GPRIN3: variants seen among roughly 807,000 people sequenced by gnomAD.
GPRIN3 encodes the protein GPRIN family member 3, also known as G protein-regulated inducer of neurite outgrowth 3.
GPRIN3 carries 12 observed loss-of-function variants against 13.7 expected under a neutral mutation model. The observed-to-expected ratio is 0.87, with a 90% CI of 0.56 to 1.42. The LOEUF is 1.42. Among genes scored for constraint, GPRIN3 ranks in the 40% most tolerant of loss-of-function variants. The pLI, the probability that GPRIN3 is intolerant of heterozygous loss-of-function variation, is 0.00. For missense variants in GPRIN3, 1,009 were observed against 958.7 expected (o/e 1.05, Z -0.69); for synonymous variants, 377 against 372.7 (o/e 1.01, Z -0.13).
intron 1 of GPRIN3, among the ~76,000 whole-genome samples, chr4:89,261,690 C>G (rs1375385843): frequency 1.3e-5 from 2 of 152,102 alleles, no homozygotes; most frequent in African/African-American, 4.8e-5. Flanking sequence ...AGGTTTTTCA[C>G]TACATGAAAT....
chr4:89,282,044 T>C (rs538654329), intron 1 of GPRIN3, among the ~76,000 whole-genome samples: 1 of 151,528 alleles, frequency 6.6e-6, no homozygotes, highest in African/African-American at 2.4e-5. Context: ...TCCTGCATGG[T>C]GCTGGCAAGA....
At position 89,248,163 on chromosome 4, in the gene GPRIN3, T is replaced by A; in HGVS notation, c.1948A>T (p.Thr650Ser). The change falls in exon 2 of 2, where the codon ACA becomes TCA. Residue 650 changes from threonine to serine, a missense_variant. Thr to Ser is a moderately conservative substitution (Grantham distance 58). Transcript: ENST00000609438. ...EFLKEQKLNV[T>S]AAAAQVGLTP... ...AGTCCTACCTGAGCAGCAGCTGCTG[T>A]CACATTTAACTTTTGCTCCTTGAGG... 3 of 1,614,126 alleles carry A rather than the reference T, an allele frequency of 1.9e-6. No individual in the cohort carries two copies. The highest frequency in any genetic ancestry group is 2.5e-6 in the Non-Finnish European group (3 of 1,180,000).
chr4:89,270,592 T>A (rs867705254), intron 1 of GPRIN3, among the ~76,000 whole-genome samples: 5 of 130,690 alleles, frequency 3.8e-5, no homozygotes, highest in East Asian at 4.4e-4. Flanking sequence ...TATATATATA[T>A]ATATATATAA....
At chr4:89,256,179 A>G (rs1386581257) in intron 1 of GPRIN3, among the ~76,000 whole-genome samples, 1 of 152,166 alleles carries the variant, frequency 6.6e-6, no homozygotes, top group Non-Finnish European at 1.5e-5. Context: ...TAACCATGAG[A>G]AGAAAATGGA....
rs998009978 is a variant in GPRIN3, at chr4:89,239,254, C to G, written c.*8526G>C. The G allele has an allele frequency of 2.6e-5, 4 of 151,832 alleles. No individual in the cohort carries two copies. The highest frequency in any genetic ancestry group is 7.3e-5 in the African/African-American group (3 of 41,368). 9.4% of individuals were successfully genotyped at this position (151,832 alleles called of 1,614,324 possible). ...ATATTATACCACACTTTTGATCTTT[C>G]TTAGTTGAGTATTTACACACATAAA... On this transcript the variant is annotated 3_prime_UTR_variant, in exon 2 of 2. Coordinates refer to ENST00000609438, the MANE Select transcript of GPRIN3 (RefSeq NM_198281.3).
At chr4:89,299,723 T>C (rs1724842179) in intron 1 of GPRIN3, among the ~76,000 whole-genome samples, 1 of 151,948 alleles carries the variant, frequency 6.6e-6, no homozygotes, top group South Asian at 2.1e-4. Flanking sequence ...GGGATACGAG[T>C]TGATACTACT....
chr4:89,238,645 G>C lies in GPRIN3; in HGVS notation c.*9135C>G, dbSNP rs541353727. 6.7e-6 allele frequency: 1 copy of C among 149,820 alleles called. No individual in the cohort carries two copies. The highest frequency in any genetic ancestry group is 2.0e-4 in the East Asian group (1 of 5,088). 9.3% of individuals were successfully genotyped at this position (149,820 alleles called of 1,614,324 possible). A position where few individuals can be genotyped will look rare whatever the true frequency, so the allele number is the denominator to read the frequency against. On this transcript the variant is annotated 3_prime_UTR_variant, in exon 2 of 2. Coordinates refer to ENST00000609438, the MANE Select transcript of GPRIN3 (RefSeq NM_198281.3). Reference sequence around the variant, plus strand: ...CTCTACCAAGTACAGGAAAAACCTCGCGTTTGATGACCAGGAGGAATTGTT... The same window carrying C: ...CTCTACCAAGTACAGGAAAAACCTCCCGTTTGATGACCAGGAGGAATTGTT...
At position 89,292,976 on chromosome 4, in the gene GPRIN3, G is replaced by A. The variant is rs565717450; in HGVS notation, c.-124+14639C>T. On this transcript the variant is annotated intron_variant, in intron 1 of 1. Transcript: ENST00000609438. ...ATATTGTAGGATGATGCATACCTTG[G>A]AGAGATGAGTTCAGTGGTAAATGAC... Among the ~76,000 whole-genome samples, 14 of 152,270 alleles carry A rather than the reference G, an allele frequency of 9.2e-5. No homozygotes were observed. The South Asian group carries it at 2.7e-3, about 29-fold the overall frequency.
chr4:89,265,243 T>C (rs1723751844), intron 1 of GPRIN3, among the ~76,000 whole-genome samples: 1 of 152,194 alleles, frequency 6.6e-6, no homozygotes, highest in Admixed American at 6.5e-5. Flanking sequence ...ATGGTTTTAA[T>C]ATAAAGGGAT....
At chr4:89,266,246 G>C (rs1561200789) in intron 1 of GPRIN3, among the ~76,000 whole-genome samples, 1 of 152,158 alleles carries the variant, frequency 6.6e-6, no homozygotes, top group Non-Finnish European at 1.5e-5. Flanking sequence ...GAAGAAACTT[G>C]CTCAATAATC....
chr4:89,251,180 G>A (rs948606609), intron 1 of GPRIN3: 11 of 152,030 alleles, frequency 7.2e-5, no homozygotes, highest in African/African-American at 2.2e-4. Flanking sequence ...TACAAGATAC[G>A]AAATTTAAGT....
chr4:89,263,852 CTG>C (rs1723710852), intron 1 of GPRIN3, among the ~76,000 whole-genome samples: 1 of 152,198 alleles, frequency 6.6e-6, no homozygotes, highest in Non-Finnish European at 1.5e-5. Flanking sequence ...AAAACCAAGT[CTG>C]ACTCCCAAAC....
intron 1 of GPRIN3, among the ~76,000 whole-genome samples, chr4:89,258,983 T>C (rs1723555221): frequency 6.6e-6 from 1 of 152,226 alleles, no homozygotes; most frequent in Non-Finnish European, 1.5e-5. Context: ...CGTGAGTTAT[T>C]ATTCTTAAAA....
At position 89,250,126 on chromosome 4, in the gene GPRIN3, G is replaced by T; in HGVS notation, c.-16C>A. On this transcript the variant is annotated 5_prime_UTR_variant, in exon 2 of 2. Coordinates refer to ENST00000609438, the MANE Select transcript of GPRIN3 (RefSeq NM_198281.3). Reference sequence around the variant, plus strand: ...CAGTCCCCATGGAATTTCTCTTCAGGAGCACTCCAGAGCTCTCTTGAGTAC... The same window carrying T: ...CAGTCCCCATGGAATTTCTCTTCAGTAGCACTCCAGAGCTCTCTTGAGTAC... 1 of 1,599,224 alleles carries T rather than the reference G, an allele frequency of 6.3e-7. No homozygotes were observed. Among genetic ancestry groups the T allele is most frequent in the South Asian group, 1.1e-5 (1 of 88,636 alleles).
intron 1 of GPRIN3, among the ~76,000 whole-genome samples, chr4:89,264,138 G>C (rs1323719989): frequency 6.6e-6 from 1 of 152,174 alleles, no homozygotes; most frequent in African/African-American, 2.4e-5. Context: ...CCCCAGTGTT[G>C]GAGGTGGGGC....
Position 89,248,005 on chromosome 4 carries a change from T to C in GPRIN3, c.2106A>G (p.Ala702=), listed in dbSNP as rs200400043. ...TCTGGATCGCGATTCCCAGGGACTC[T>C]GCGTCCAAGGATGCACCATACACTT... ...TWEVYGASLD[A]ESLGIAIQNH... The change falls in exon 2 of 2, where the codon GCA becomes GCG. Residue 702 remains alanine, a synonymous_variant. Transcript: ENST00000609438. 1.5e-5 allele frequency: 24 copies of C among 1,614,058 alleles called. No individual in the cohort carries two copies. Among genetic ancestry groups the C allele is most frequent in the Admixed American group, 6.7e-5 (4 of 60,004 alleles).
Position 89,247,586 on chromosome 4 carries a change from C to T in GPRIN3, c.*194G>A. 2 of 512,896 alleles carry T rather than the reference C, an allele frequency of 3.9e-6. No homozygotes were observed. The highest frequency in any genetic ancestry group is 6.8e-6 in the Non-Finnish European group (2 of 294,108). The allele number at this position is 512,896 out of a possible 1,614,324, so 31.8% of individuals were successfully genotyped here. A position where few individuals can be genotyped will look rare whatever the true frequency, so the allele number is the denominator to read the frequency against. ...GCTTGTTTCTCTTTTCTTGTTCCTT[C>T]TTTCAAATTGAAATGACATTTTTGT... On this transcript the variant is annotated 3_prime_UTR_variant, in exon 2 of 2. Transcript: ENST00000609438.
Position 89,247,068 on chromosome 4 carries a change from TG to T in GPRIN3, c.*711del, listed in dbSNP as rs1481017609. On this transcript the variant is annotated 3_prime_UTR_variant, in exon 2 of 2. Transcript: ENST00000609438. ...AGGAAAATGGGTCTATATAAATCCATGTTTAATGTAGGCAGTTTTCATAGTC... is the reference window on the plus strand; with the variant it reads ...AGGAAAATGGGTCTATATAAATCCATTTTAATGTAGGCAGTTTTCATAGTC... The T allele has an allele frequency of 6.6e-6, 1 of 152,238 alleles. No homozygotes were observed. The highest frequency in any genetic ancestry group is 6.5e-5 in the Admixed American group (1 of 15,280). 9.4% of individuals were successfully genotyped at this position (152,238 alleles called of 1,614,324 possible).
chr4:89,241,520 T>C lies in GPRIN3; in HGVS notation c.*6260A>G, dbSNP rs1326856473. On this transcript the variant is annotated 3_prime_UTR_variant, in exon 2 of 2. Coordinates refer to ENST00000609438, the MANE Select transcript of GPRIN3 (RefSeq NM_198281.3). ...TACACACATTTAGAAAATTAGTAAT[T>C]GCTAGTATATATTTTTCTTATTTTC... 5 of 152,318 alleles carry C rather than the reference T, an allele frequency of 3.3e-5. No individual in the cohort carries two copies. The East Asian group carries it at 5.8e-4, about 18-fold the overall frequency. 9.4% of individuals were successfully genotyped at this position (152,318 alleles called of 1,614,324 possible). A position where few individuals can be genotyped will look rare whatever the true frequency, so the allele number is the denominator to read the frequency against.
Sources: allele counts gnomAD v4.1 joint callset (sites outside exome capture counted in the v4.1 genomes callset), GRCh38; gene constraint gnomAD v4.1.1; transcripts MANE v1.5; gene names NCBI Gene and HGNC (gene_info 2026-07-23, HGNC 2026-07-21).